PCDHA10: variants seen among roughly 807,000 people sequenced by gnomAD.
PCDHA10 encodes the protein protocadherin alpha 10.
Under a neutral mutation model 61.2 loss-of-function variants are expected in PCDHA10, and 45 were observed. The observed-to-expected ratio is 0.74, with a 90% CI of 0.58 to 0.94. The LOEUF is 0.94. Among genes scored for constraint, PCDHA10 ranks in the 40% least tolerant of loss-of-function variants. The pLI, the probability that PCDHA10 is intolerant of heterozygous loss-of-function variation, is 0.00. For synonymous variants in PCDHA10, 602 were observed against 548.8 expected (o/e 1.10, Z -1.35); for missense variants, 1,278 against 1,236.2 (o/e 1.03, Z -0.51).
intron 1 of PCDHA10, chr5:140,865,906 T>A (rs2153227023): frequency 6.6e-6 from 1 of 152,286 alleles, no homozygotes; most frequent in Non-Finnish European, 1.5e-5. Flanking sequence ...CAGGCAAATC[T>A]TTCTTTCTGT....
intron 1 of PCDHA10, chr5:140,869,467 G>A: frequency 6.2e-7 from 1 of 1,614,204 alleles, no homozygotes; most frequent in South Asian, 1.1e-5. Context: ...TGTGAACGTG[G>A]AGGTGAAGGA....
intron 1 of PCDHA10, among the ~76,000 whole-genome samples, chr5:140,903,353 G>C (rs782739410): frequency 6.6e-5 from 10 of 152,156 alleles, no homozygotes; most frequent in Non-Finnish European, 1.3e-4. Context: ...TAAAAAACAA[G>C]TTTTTCAAAA....
In PCDHA10 at chr5:140,857,347, G is replaced by A. The variant is rs781930086; in HGVS notation, c.1299G>A (p.Pro433=). The change falls in exon 1 of 4, where the codon CCG becomes CCA. Residue 433 remains proline (P), a synonymous_variant. Transcript: ENST00000307360. Reference sequence around the variant, plus strand: ...CCGCGCGGGACGGGGGCTCGCCTCCGCTGTGGGCCACGGCCAGCGTGTCTG... The same window carrying A: ...CCGCGCGGGACGGGGGCTCGCCTCCACTGTGGGCCACGGCCAGCGTGTCTG... ...VVTARDGGSP[P]LWATASVSVE... 3.1e-6 allele frequency: 5 copies of A among 1,598,352 alleles called. No homozygotes were observed. Among genetic ancestry groups the A allele is most frequent in the Non-Finnish European group, 4.3e-6 (5 of 1,167,866 alleles).
At chr5:140,870,053 T>C (rs782629825) in intron 1 of PCDHA10, 4 of 1,613,810 alleles carry the variant, frequency 2.5e-6, no homozygotes, top group Middle Eastern at 1.6e-4. Context: ...TTTTATAAAA[T>C]TGAAGTACAG....
Position 140,881,345 on chromosome 5 carries a change from T to A in PCDHA10, c.2388+22909T>A, listed in dbSNP as rs2058675594. The A allele has an allele frequency of 4.1e-6, 4 of 985,136 alleles. No individual in the cohort carries two copies. In the African/African-American group the frequency reaches 7.0e-5, roughly 17 times the overall value. The allele number at this position is 985,136 out of a possible 1,614,324, so 61.0% of individuals were successfully genotyped here. A position where few individuals can be genotyped will look rare whatever the true frequency, so the allele number is the denominator to read the frequency against. On this transcript the variant is annotated intron_variant, in intron 1 of 3. Transcript: ENST00000307360. ...ATTTAACCAGGACGCCGATTCGGGC[T>A]ACAATGCGTGGCTTTCGTATGAATT... is the stretch of plus-strand genomic sequence containing the variant.
chr5:141,006,177 AAG>A (rs2098258661), intron 3 of PCDHA10, among the ~76,000 whole-genome samples: 2 of 151,826 alleles, frequency 1.3e-5, no homozygotes, highest in African/African-American at 4.8e-5. Context: ...ATATTTTTAA[AAG>A]AGTTTGCTAT....
chr5:140,953,293 G>A (rs1410676265), intron 1 of PCDHA10, among the ~76,000 whole-genome samples: 3 of 152,084 alleles, frequency 2.0e-5, no homozygotes, highest in Admixed American at 2.0e-4. Context: ...GTGATTCAGG[G>A]ACGGCAGAGA....
intron 3 of PCDHA10, among the ~76,000 whole-genome samples, chr5:140,993,462 T>TCTCA (rs1235362335): frequency 6.4e-5 from 9 of 140,938 alleles, no homozygotes; most frequent in African/African-American, 2.1e-4. Context: ...TCTTTCTTTC[T>TCTCA]CACACACACA....
intron 1 of PCDHA10, among the ~76,000 whole-genome samples, chr5:140,924,643 C>G (rs2081929149): frequency 1.3e-5 from 2 of 152,196 alleles, no homozygotes; most frequent in Admixed American, 1.3e-4. Flanking sequence ...ACCTGTAATC[C>G]CAGCACTTTG....
At chr5:140,931,269 C>T (rs1253190149) in intron 1 of PCDHA10, among the ~76,000 whole-genome samples, 1 of 152,006 alleles carries the variant, frequency 6.6e-6, no homozygotes, top group Non-Finnish European at 1.5e-5. Context: ...CTATTTATTT[C>T]TTTTATTTTC....
chr5:140,913,670 A>G (rs2076427033), intron 1 of PCDHA10, among the ~76,000 whole-genome samples: 1 of 152,090 alleles, frequency 6.6e-6, no homozygotes, highest in Non-Finnish European at 1.5e-5. Flanking sequence ...TAGTTAGGTT[A>G]TTTAAAATGA....
chr5:140,997,719 C>T (rs1456038917), intron 3 of PCDHA10, among the ~76,000 whole-genome samples: 1 of 150,932 alleles, frequency 6.6e-6, no homozygotes, highest in East Asian at 1.9e-4. Context: ...CACCTTTCTA[C>T]GTCAGTACAT....
rs148479176 is a variant in PCDHA10, at chr5:140,884,341, G to A, written c.2388+25905G>A. 6.0e-4 allele frequency: 973 copies of A among 1,613,910 alleles called. 19 individuals carry two copies. In the South Asian group the frequency reaches 7.4e-3, roughly 12 times the overall value. On this transcript the variant is annotated intron_variant, in intron 1 of 3. Transcript: ENST00000307360. ...CGGCAGGCGCTGTGGGTCCAGAAGC[G>A]GCGCTGGTGGATGTCAATGTTTACT...
chr5:140,886,602 C>A (rs1167539535), intron 1 of PCDHA10, among the ~76,000 whole-genome samples: 1 of 151,638 alleles, frequency 6.6e-6, no homozygotes, highest in Non-Finnish European at 1.5e-5. Flanking sequence ...CCAAGGTGGG[C>A]GGATCAGGAG....
At chr5:140,927,366 A>C in intron 1 of PCDHA10, 1 of 1,614,088 alleles carries the variant, frequency 6.2e-7, no homozygotes, top group Non-Finnish European at 8.5e-7. Context: ...GCAATGGGAT[A>C]CTAAGCTACA....
At chr5:140,946,474 A>G (rs2093947876) in intron 1 of PCDHA10, among the ~76,000 whole-genome samples, 1 of 151,798 alleles carries the variant, frequency 6.6e-6, no homozygotes, top group Non-Finnish European at 1.5e-5. Context: ...ACTACTGGGT[A>G]TATATCCAAA....
rs559093543 is a variant in PCDHA10 at position 140,936,623 on chromosome 5, A to G, written c.2389-42326A>G. Among the ~76,000 whole-genome samples, 3 of 152,312 alleles carry G rather than the reference A, an allele frequency of 2.0e-5. No individual in the cohort carries two copies. The East Asian group carries it at 5.8e-4, about 29-fold the overall frequency. On this transcript the variant is annotated intron_variant, in intron 1 of 3. Transcript: ENST00000307360. ...TTCCTCGCTGCTACTGTGCAGTGCT[A>G]CCTTTGTCATAAGCAACGTGACTTT...
intron 1 of PCDHA10, chr5:140,861,390 C>G (rs970688451): frequency 2.0e-5 from 9 of 450,942 alleles, no homozygotes; most frequent in Admixed American, 6.9e-5. Flanking sequence ...GGACCTGGGT[C>G]TGGAGCTTGT....
intron 1 of PCDHA10, among the ~76,000 whole-genome samples, chr5:140,952,125 A>G (rs1027710629): frequency 6.6e-6 from 1 of 152,092 alleles, no homozygotes; most frequent in African/African-American, 2.4e-5. Context: ...TGGGCTCCCA[A>G]GGCCTTGGGA....
Sources: gnomAD v4.1 joint callset for allele counts (sites outside exome capture counted in the v4.1 genomes callset) on GRCh38, gnomAD v4.1.1 for gene constraint, MANE v1.5 for transcripts, NCBI Gene and HGNC (gene_info 2026-07-23, HGNC 2026-07-21) for gene names.